Variants in KCNMB4 observed in about 807,000 individuals in gnomAD.
KCNMB4 encodes calcium-activated potassium channel subunit beta-4.
Under a neutral mutation model 20.7 loss-of-function variants are expected in KCNMB4, and 3 were observed. The observed-to-expected ratio is 0.14, with a 90% CI of 0.07 to 0.37. The LOEUF (loss-of-function observed/expected upper bound fraction) is 0.37, where lower values mean the gene tolerates loss of function less well. Among genes scored for constraint, KCNMB4 ranks in the 10% least tolerant of loss-of-function variants. KCNMB4 has a pLI of 1.00. For missense variants in KCNMB4, 168 were observed against 265.9 expected (o/e 0.63, Z 2.56); for synonymous variants, 110 against 113.4 (o/e 0.97, Z 0.19).
intron 1 of KCNMB4, among the ~76,000 whole-genome samples, chr12:70,376,615 C>T (rs1401484829): frequency 6.6e-6 from 1 of 151,918 alleles, no homozygotes; most frequent in Non-Finnish European, 1.5e-5. Flanking sequence ...CGCCTGTAAT[C>T]CCAGCACTTT....
rs1752820202 is a variant in KCNMB4, at chr12:70,366,899, G to A, written c.165G>A (p.Thr55=). 9.9e-6 allele frequency: 16 copies of A among 1,613,458 alleles called. No individual in the cohort carries two copies. The highest frequency in any genetic ancestry group is 1.4e-5 in the Non-Finnish European group (16 of 1,179,886). ...QDLQATEANC[T]VLSVQQIGEV... The stretch of plus-strand genomic sequence containing the variant: ...TGCAAGCCACGGAGGCCAATTGCAC[G>A]GTGCTGTCGGTGCAGCAGATCGGCG... Residue 55 remains threonine (T), a synonymous_variant, in exon 1 of 3, where the codon ACG becomes ACA. Coordinates refer to ENST00000258111, the MANE Select transcript of KCNMB4 (RefSeq NM_014505.6).
intron 2 of KCNMB4, among the ~76,000 whole-genome samples, chr12:70,426,402 T>C (rs1016700113): frequency 6.6e-6 from 1 of 152,218 alleles, no homozygotes; most frequent in Non-Finnish European, 1.5e-5. Flanking sequence ...TTTTTTTAAC[T>C]ATTAGAACTT....
At chr12:70,424,762 GAAT>G (rs148823596) in intron 2 of KCNMB4, among the ~76,000 whole-genome samples, 21,679 of 151,642 alleles carry the variant, frequency 0.14, 1,575 homozygotes, top group South Asian at 0.24. Flanking sequence ...AAAAAAAAAA[GAAT>G]ACTACAAAGG....
chr12:70,388,009 T>TCTA (rs1345366218), intron 1 of KCNMB4, among the ~76,000 whole-genome samples: 1 of 152,152 alleles, frequency 6.6e-6, no homozygotes, highest in Non-Finnish European at 1.5e-5. Context: ...TAACCATCCT[T>TCTA]CTACTCTCTA....
chr12:70,400,216 A>G lies in KCNMB4; in HGVS notation c.344A>G (p.Tyr115Cys). 1 of 1,607,136 alleles carries G rather than the reference A, an allele frequency of 6.2e-7. No homozygotes were observed. The highest frequency in any genetic ancestry group is 1.1e-5 in the South Asian group (1 of 90,154). The stretch of plus-strand genomic sequence containing the variant: ...TGTATTCTATTTTGTTAGTGCTCCT[A>G]TATCCCTCCCTGTAAGAGAGAAAAT... Reference protein sequence around the residue: ...HQLLTNPKCSYIPPCKRENQK... With the variant: ...HQLLTNPKCSCIPPCKRENQK... The change falls in exon 2 of 3, where the codon TAT becomes TGT. Residue 115 changes from tyrosine to cysteine, a missense_variant. Tyr to Cys is a radical substitution (Grantham distance 194, BLOSUM62 -2). Coordinates refer to ENST00000258111, the MANE Select transcript of KCNMB4 (RefSeq NM_014505.6).
chr12:70,384,535 A>C (rs985653022), intron 1 of KCNMB4, among the ~76,000 whole-genome samples: 1 of 152,214 alleles, frequency 6.6e-6, no homozygotes, highest in Non-Finnish European at 1.5e-5. Context: ...GGGATTCACT[A>C]ACAGAGTCTA....
chr12:70,392,291 G>T (rs1868306241), intron 1 of KCNMB4, among the ~76,000 whole-genome samples: 1 of 152,164 alleles, frequency 6.6e-6, no homozygotes, highest in Non-Finnish European at 1.5e-5. Context: ...TCTCACACCA[G>T]TTAGAATGGC....
intron 1 of KCNMB4, among the ~76,000 whole-genome samples, chr12:70,393,439 G>A (rs1194597204): frequency 6.6e-6 from 1 of 152,050 alleles, no homozygotes; most frequent in Non-Finnish European, 1.5e-5. Context: ...CTGACCTTGT[G>A]ACCCACCCGC....
chr12:70,385,080 T>C (rs1485013208), intron 1 of KCNMB4, among the ~76,000 whole-genome samples: 1 of 152,048 alleles, frequency 6.6e-6, no homozygotes, highest in Admixed American at 6.6e-5. Context: ...AAATACATCT[T>C]GGTATTTGTA....
chr12:70,420,005 A>G (rs1169145966), intron 2 of KCNMB4, among the ~76,000 whole-genome samples: 1 of 152,218 alleles, frequency 6.6e-6, no homozygotes, highest in African/African-American at 2.4e-5. Context: ...ATAAAAGGCA[A>G]ACACTGAAAA....
chr12:70,416,352 A>G (rs570360008), intron 2 of KCNMB4, among the ~76,000 whole-genome samples: 1 of 152,306 alleles, frequency 6.6e-6, no homozygotes, highest in South Asian at 2.1e-4. Flanking sequence ...CTGTGGCTAT[A>G]CTTTTTAGTG....
At chr12:70,428,576 T>C (rs1024474222) in intron 2 of KCNMB4, among the ~76,000 whole-genome samples, 3 of 152,206 alleles carry the variant, frequency 2.0e-5, no homozygotes, top group Non-Finnish European at 4.4e-5. Context: ...AATATGATTC[T>C]TTCTATCCTG....
intron 1 of KCNMB4, among the ~76,000 whole-genome samples, chr12:70,397,483 A>AT (rs1393289330): frequency 6.6e-6 from 1 of 152,222 alleles, no homozygotes; most frequent in East Asian, 1.9e-4. Context: ...TTGATCTCAG[A>AT]TTATTTTCTC....
intron 1 of KCNMB4, among the ~76,000 whole-genome samples, chr12:70,398,576 TGTG>T (rs1868379704): frequency 6.6e-6 from 1 of 152,206 alleles, no homozygotes; most frequent in African/African-American, 2.4e-5. Context: ...CATAACATGT[TGTG>T]AATGTATTGT....
At chr12:70,390,484 G>T (rs1192533658) in intron 1 of KCNMB4, among the ~76,000 whole-genome samples, 1 of 152,196 alleles carries the variant, frequency 6.6e-6, no homozygotes, top group Non-Finnish European at 1.5e-5. Context: ...ACTTGCCAAA[G>T]AAAGCATGGG....
intron 1 of KCNMB4, among the ~76,000 whole-genome samples, chr12:70,380,246 GT>G (rs1406026501): frequency 2.0e-5 from 3 of 152,154 alleles, no homozygotes; most frequent in African/African-American, 7.2e-5. Context: ...CAGGTGGTTG[GT>G]GGAGCACTTA....
chr12:70,398,618 T>C (rs1238510240), intron 1 of KCNMB4, among the ~76,000 whole-genome samples: 1 of 112,952 alleles, frequency 8.9e-6, no homozygotes, highest in Admixed American at 9.5e-5. Context: ...TTTACTAAAA[T>C]TTATAATGTC....
rs577783909 is a variant in KCNMB4, at chr12:70,384,598, C to T, written c.337-15611C>T. Among the ~76,000 whole-genome samples the T allele has an allele frequency of 7.8e-4, 119 of 152,270 alleles. 2 individuals carry two copies. Among genetic ancestry groups the T allele is most frequent in the Admixed American group, 2.6e-4 (4 of 15,298 alleles). ...AGAAGCTACCTGGTATAATGGAAAA[C>T]GCCAGTCTAAGTGTAGTGGCTCATG... On this transcript the variant is annotated intron_variant, in intron 1 of 2. Coordinates refer to ENST00000258111, the MANE Select transcript of KCNMB4 (RefSeq NM_014505.6).
intron 1 of KCNMB4, among the ~76,000 whole-genome samples, chr12:70,391,471 T>TA (rs1276641133): frequency 4.6e-5 from 7 of 151,856 alleles, no homozygotes; most frequent in African/African-American, 1.5e-4. Context: ...CCCAGCTAAT[T>TA]AAAAAAATAT....
Sources: gnomAD v4.1 joint callset for allele counts (sites outside exome capture counted in the v4.1 genomes callset) on GRCh38, gnomAD v4.1.1 for gene constraint, MANE v1.5 for transcripts, NCBI Gene and HGNC (gene_info 2026-07-23, HGNC 2026-07-21) for gene names.